PKD2L1: variants seen among roughly 807,000 people sequenced by gnomAD.
PKD2L1 encodes the protein polycystin 2 like 1, transient receptor potential cation channel, also known as polycystin-2-like protein 1.
Under a neutral mutation model 93.0 loss-of-function variants are expected in PKD2L1, and 77 were observed. That is an observed-to-expected ratio of 0.83 (90% confidence interval 0.69 to 1.00). The LOEUF (loss-of-function observed/expected upper bound fraction) is 1.00. Among genes scored for constraint, PKD2L1 ranks in the 50% least tolerant of loss-of-function variants. The probability of loss-of-function intolerance (pLI) is 0.00; values close to 1 mark genes in which losing one functional copy is unlikely to be tolerated. For synonymous variants in PKD2L1, 390 were observed against 388.0 expected (o/e 1.01, Z -0.06); for missense variants, 977 against 990.9 (o/e 0.99, Z 0.19).
chr10:100,299,474 C>G (rs1470354827), intron 3 of PKD2L1, 117 bp downstream of exon 3: 4 of 941,184 alleles, frequency 4.2e-6, no homozygotes, highest in African/African-American at 1.6e-5. Context: ...GGCCCTTTGA[C>G]TCAGTCTGAT....
chr10:100,319,348 C>T (rs916113976), intron 2 of PKD2L1, among the ~76,000 whole-genome samples: 2 of 152,208 alleles, frequency 1.3e-5, no homozygotes, highest in African/African-American at 2.4e-5. Flanking sequence ...GCCAAAGATG[C>T]GTGGCTAATA....
In PKD2L1 at chr10:100,295,088, G is replaced by T. The variant is rs1465637653; in HGVS notation, c.1392C>A (p.Thr464=). 3.7e-6 allele frequency: 6 copies of T among 1,614,094 alleles called. No individual in the cohort carries two copies. Among genetic ancestry groups the T allele is most frequent in the Non-Finnish European group, 5.1e-6 (6 of 1,179,984 alleles). ...FKYISFNKTM[T]QLSSTLARCA... ...AGCGGGCCAGCGTGGAGGAGAGCTG[G>T]GTCATGGTTTTGTTGAAGCTGATGT... Residue 464 remains threonine, a synonymous_variant, in exon 8 of 16, where the codon ACC becomes ACA. Transcript: ENST00000318222.
intron 2 of PKD2L1, among the ~76,000 whole-genome samples, chr10:100,313,033 G>A (rs773681575): frequency 9.9e-5 from 15 of 152,114 alleles, no homozygotes; most frequent in Non-Finnish European, 1.8e-4. Flanking sequence ...GTAGTAAAAC[G>A]TAAAAGTCCT....
chr10:100,289,775 C>T (rs1848362717), intron 14 of PKD2L1, among the ~76,000 whole-genome samples: 1 of 152,046 alleles, frequency 6.6e-6, no homozygotes, highest in Non-Finnish European at 1.5e-5. Flanking sequence ...TTATATCAGC[C>T]CAAACAGACT....
intron 14 of PKD2L1, among the ~76,000 whole-genome samples, chr10:100,289,393 G>T (rs1472628662): frequency 6.6e-6 from 1 of 152,142 alleles, no homozygotes; most frequent in Non-Finnish European, 1.5e-5. Context: ...TACAAAATTA[G>T]CTGGGTATGG....
At chr10:100,300,880 G>T (rs1238555922) in intron 2 of PKD2L1, among the ~76,000 whole-genome samples, 1 of 152,044 alleles carries the variant, frequency 6.6e-6, no homozygotes, top group African/African-American at 2.4e-5. Context: ...TTGTTGCCCA[G>T]GATGGAGTGC....
At chr10:100,322,219 C>G (rs527967630) in intron 2 of PKD2L1, among the ~76,000 whole-genome samples, 1 of 152,014 alleles carries the variant, frequency 6.6e-6, no homozygotes, top group East Asian at 1.9e-4. Flanking sequence ...GGCCCGGTCT[C>G]AAAACAACAA....
At chr10:100,307,299 T>C (rs904946900) in intron 2 of PKD2L1, among the ~76,000 whole-genome samples, 3 of 152,186 alleles carry the variant, frequency 2.0e-5, no homozygotes, top group Non-Finnish European at 2.9e-5. Flanking sequence ...GGAGCCAGGA[T>C]TAAAATGCAA....
chr10:100,290,670 G>C, intron 12 of PKD2L1, 151 bp from the exon 13 acceptor site: 1 of 604,290 alleles, frequency 1.7e-6, no homozygotes, highest in East Asian at 2.8e-5. Context: ...GGAGACAATA[G>C]GGTCAGGGTG....
chr10:100,303,210 T>TTTTG (rs1848724764), intron 2 of PKD2L1, among the ~76,000 whole-genome samples: 2 of 150,630 alleles, frequency 1.3e-5, no homozygotes, highest in African/African-American at 4.9e-5. Flanking sequence ...TTTTTTTTTT[T>TTTTG]GAGACGGAGT....
intron 7 of PKD2L1, 131 bp downstream of exon 7, chr10:100,295,991 G>A (rs375996176): frequency 2.1e-5 from 15 of 718,716 alleles, no homozygotes; most frequent in South Asian, 1.5e-4. Context: ...AGCCAAGATC[G>A]CCCCCACTTC....
intron 11 of PKD2L1, 58 bp downstream of exon 11, chr10:100,292,890 T>G: frequency 6.4e-7 from 1 of 1,555,002 alleles, no homozygotes; most frequent in Non-Finnish European, 8.7e-7. Flanking sequence ...GAAGTATGGT[T>G]GAGGGTTGAG....
chr10:100,306,855 C>CAAAAAAAAAAAAAAAAAAAAAAAA (rs61413476), intron 2 of PKD2L1, among the ~76,000 whole-genome samples: 7 of 49,856 alleles, frequency 1.4e-4, no homozygotes, highest in African/African-American at 8.0e-4. Flanking sequence ...GAGACCCTGT[C>CAAAAAAAAAAAAAAAAAAAAAAAA]AAAAAAAAAA....
Position 100,296,144 on chromosome 10 carries a change from T to C in PKD2L1, c.1334A>G (p.Asn445Ser). 2.5e-6 allele frequency: 4 copies of C among 1,609,472 alleles called. No homozygotes were observed. The highest frequency in any genetic ancestry group is 3.4e-6 in the Non-Finnish European group (4 of 1,178,082). Residue 445 changes from asparagine to serine, a missense_variant, in exon 7 of 16, where the codon AAC (asparagine) becomes AGC (serine). Physicochemically the swap from Asn to Ser is conservative, Grantham distance 46. Transcript: ENST00000318222. The part of the protein sequence containing the change: ...QTQYNNMNAV[N>S]LFFAWIKIFK... ...TACCTTGATCCAGGCGAAGAAGAGG[T>C]TGACAGCATTCATGTTGTTGTACTG...
intron 8 of PKD2L1, 42 bp from the exon 9 acceptor site, chr10:100,294,697 A>AC (rs1472047199): frequency 5.0e-6 from 8 of 1,608,786 alleles, no homozygotes; most frequent in Non-Finnish European, 6.8e-6. Context: ...CCTAACAAAC[A>AC]CCCCCCATCC....
At chr10:100,297,738 GTGTGTGTA>G (rs1554915364) in intron 4 of PKD2L1, 132 bp from the exon 5 acceptor site, 1 of 463,718 alleles carries the variant, frequency 2.2e-6, no homozygotes. Context: ...GTGTGTGTGT[GTGTGTGTA>G]TGAGATATGT....
chr10:100,304,186 A>G (rs1447477399), intron 2 of PKD2L1, among the ~76,000 whole-genome samples: 3 of 152,198 alleles, frequency 2.0e-5, no homozygotes, highest in Non-Finnish European at 4.4e-5. Flanking sequence ...CTAAATTAGA[A>G]TCTAAATTTG....
rs564682163 is a variant in PKD2L1 at position 100,316,893 on chromosome 10, C to A, written c.349+12318G>T. Among the ~76,000 whole-genome samples, 5 of 152,230 alleles carry A rather than the reference C, an allele frequency of 3.3e-5. No homozygotes were observed. In the South Asian group the frequency reaches 1.0e-3, roughly 32 times the overall value. ...CTTGAGCTCAGGAGTTCGAGTCCAG[C>A]CTGGGTAACATGGTAAAACCCCATC... is the stretch of plus-strand genomic sequence containing the variant. On this transcript the variant is annotated intron_variant, in intron 2 of 15. Coordinates refer to ENST00000318222, the MANE Select transcript of PKD2L1 (RefSeq NM_016112.3).
rs770386529 is a variant in PKD2L1 at position 100,297,583 on chromosome 10, TCATCCTGCGAGTGGTATGTC to T, written c.735_754del (p.Trp245Ter). The T allele has an allele frequency of 3.3e-5, 53 of 1,613,588 alleles. No homozygotes were observed. Among genetic ancestry groups the T allele is most frequent in the Non-Finnish European group, 4.3e-5 (51 of 1,179,956 alleles). Reference sequence around the variant, plus strand: ...GCCCCAGTGGGAGAAGCCCCCCAACTCATCCTGCGAGTGGTATGTCCACCTGCCACAGAAAATGCCAGCTG... The same window carrying T: ...GCCCCAGTGGGAGAAGCCCCCCAACTCACCTGCCACAGAAAATGCCAGCTG... On this transcript the variant is annotated stop_gained and frameshift_variant, in exon 5 of 16. Transcript: ENST00000318222. LOFTEE classifies it high-confidence loss of function.
Sources: gnomAD v4.1 joint callset for allele counts (sites outside exome capture counted in the v4.1 genomes callset) on GRCh38, gnomAD v4.1.1 for gene constraint, MANE v1.5 for transcripts, NCBI Gene and HGNC (gene_info 2026-07-23, HGNC 2026-07-21) for gene names.